PKD1: variants seen among roughly 807,000 people sequenced by gnomAD.
The protein encoded by PKD1 is polycystin-1.
In PKD1, 81 loss-of-function variants were observed where a neutral mutation model predicts 361.7. That is an observed-to-expected ratio of 0.22 (90% confidence interval 0.19 to 0.27). The LOEUF is 0.27. PKD1 is among the 10% of genes least tolerant of loss of function. The pLI is 1.00. For missense variants in PKD1, 6,399 were observed against 6,118.3 expected (o/e 1.05, Z -1.53); for synonymous variants, 3,615 against 2,818.3 (o/e 1.28, Z -8.95).
intron 20 of PKD1, 63 bp from the exon 21 acceptor site, chr16:2,105,537 G>A (rs1419989537): frequency 6.3e-7 from 1 of 1,595,066 alleles, no homozygotes; most frequent in South Asian, 1.1e-5. Context: ...GAGGCCAGCA[G>A]ATGCCCACGA....
At chr16:2,115,701 G>C in intron 9 of PKD1, 76 bp from the exon 10 acceptor site, 2 of 1,399,918 alleles carry the variant, frequency 1.4e-6, no homozygotes, top group Non-Finnish European at 2.0e-6. Context: ...GCCTGCACCA[G>C]CAATCCTGGC....
At chr16:2,095,673 G>A (rs551925852) in intron 34 of PKD1, among the ~76,000 whole-genome samples, 3 of 152,366 alleles carry the variant, frequency 2.0e-5, no homozygotes, top group East Asian at 3.9e-4. Flanking sequence ...AGGACGCAGA[G>A]GGGTCCAGGA....
At position 2,088,716 on chromosome 16, in the gene PKD1, A is replaced by T; in HGVS notation, c.*1011T>A. 7.0e-7 allele frequency: 1 copy of T among 1,431,532 alleles called. No homozygotes were observed. Among genetic ancestry groups the T allele is most frequent in the Non-Finnish European group, 9.4e-7 (1 of 1,062,310 alleles). 88.7% of individuals were successfully genotyped at this position (1,431,532 alleles called of 1,614,324 possible). A position where few individuals can be genotyped will look rare whatever the true frequency, so the allele number is the denominator to read the frequency against. ...AGACATAGAGGCACAGATTGCAGTC[A>T]GACAGCTCTTTTATTGACTTTGTCT... On this transcript the variant is annotated 3_prime_UTR_variant, in exon 46 of 46. Coordinates refer to ENST00000262304, the MANE Select transcript of PKD1 (RefSeq NM_001009944.3).
At chr16:2,092,008 G>A (rs771889701) in intron 40 of PKD1, 39 bp downstream of exon 40, 1 of 1,612,606 alleles carries the variant, frequency 6.2e-7, no homozygotes, top group Non-Finnish European at 8.5e-7. Flanking sequence ...CTACTCCCTT[G>A]TCCTTGGCGT....
chr16:2,100,474 T>C lies in PKD1; in HGVS notation c.9490A>G (p.Ser3164Gly). The part of the protein sequence containing the change: ...LDGDRAFHRN[S>G]LDIFRIATPH... ...GTGGCGATCCGGAAGATGTCCAGGC[T>C]GTTGCGGTGGAAGGCTCTGTCGCCG... Residue 3164 changes from serine to glycine, a missense_variant, in exon 27 of 46, where the codon AGC (serine) becomes GGC (glycine). Transcript: ENST00000262304. This position sits in a 1 kb window ranked among gnomAD's most constrained non-coding sequence, Gnocchi z 4.4. 6.2e-7 allele frequency: 1 copy of C among 1,610,818 alleles called. No individual in the cohort carries two copies. The highest frequency in any genetic ancestry group is 8.5e-7 in the Non-Finnish European group (1 of 1,179,666).
intron 34 of PKD1, chr16:2,096,945 C>A (rs537905564): frequency 1.7e-6 from 1 of 602,230 alleles, no homozygotes; most frequent in Non-Finnish European, 3.0e-6. Flanking sequence ...CTGCTCCCTC[C>A]CTAGAGGGAA....
intron 21 of PKD1, among the ~76,000 whole-genome samples, chr16:2,105,020 AGGGGAGGGAAG>A (rs2092286843): frequency 5.7e-5 from 2 of 35,138 alleles, no homozygotes; most frequent in South Asian, 1.4e-3. Flanking sequence ...GGGAGGGGCT[AGGGGAGGGAAG>A]GGGGAGGGGA....
chr16:2,123,477 C>A (rs866714263), intron 1 of PKD1: 8 of 456,396 alleles, frequency 1.8e-5, no homozygotes, highest in Middle Eastern at 6.5e-4. Context: ...CGCTTGCTCC[C>A]GTACTTTTTC....
Position 2,120,166 on chromosome 16 carries a change from C to A in PKD1, c.216-788G>T, listed in dbSNP as rs566190630. 6.9e-6 allele frequency: 3 copies of A among 437,228 alleles called. No homozygotes were observed. The East Asian group carries it at 1.1e-4, about 16-fold the overall frequency. The allele number at this position is 437,228 out of a possible 1,614,324, so 27.1% of individuals were successfully genotyped here. ...GGTCAAGGCTACAGGGAGCTGAGAT[C>A]GCATCACTGTACTCCAGCCTGGGTG... On this transcript the variant is annotated intron_variant, in intron 1 of 45. Coordinates refer to ENST00000262304, the MANE Select transcript of PKD1 (RefSeq NM_001009944.3).
intron 34 of PKD1, among the ~76,000 whole-genome samples, chr16:2,096,401 G>A (rs551177182): frequency 1.3e-5 from 2 of 152,398 alleles, no homozygotes; most frequent in East Asian, 3.9e-4. Context: ...GTGGGAACAC[G>A]CCGTGGGTGC....
intron 20 of PKD1, 102 bp from the exon 21 acceptor site, chr16:2,105,576 CTG>C: frequency 2.5e-6 from 4 of 1,593,202 alleles, no homozygotes; most frequent in Non-Finnish European, 3.4e-6. Context: ...GTGCTAGACG[CTG>C]TGTGATGCGG....
chr16:2,105,267 A>T, intron 21 of PKD1, 55 bp downstream of exon 21: 2 of 1,578,084 alleles, frequency 1.3e-6, no homozygotes, highest in Non-Finnish European at 1.7e-6. Flanking sequence ...TGGGGGGCTG[A>T]ACCCAGTGCC....
chr16:2,103,820 C>G lies in PKD1; in HGVS notation c.8237G>C (p.Arg2746Pro), dbSNP rs1800569. The part of the protein sequence containing the change: ...PSELGAESPS[R>P]MVASQAYNLT... The stretch of plus-strand genomic sequence containing the variant: ...GTTGTAGGCCTGGGACGCCACCATC[C>G]GAGATGGTGACTCGGCTCCCAGCTC... The change falls in exon 23 of 46, where the codon CGG becomes CCG. Residue 2746 changes from arginine to proline, a missense_variant. By Grantham distance (103) the Arg-to-Pro change is moderately radical. Coordinates refer to ENST00000262304, the MANE Select transcript of PKD1 (RefSeq NM_001009944.3). The G allele has an allele frequency of 1.9e-6, 3 of 1,608,100 alleles. No homozygotes were observed. The highest frequency in any genetic ancestry group is 1.1e-5 in the South Asian group (1 of 90,850).
rs148433208 is a variant in PKD1 at position 2,089,949 on chromosome 16, G to A, written c.12690C>T (p.Asn4230=). The part of the protein sequence containing the change: ...EALLTQFDRL[N]QATEDVYQLE... Reference sequence around the variant, plus strand: ...GCTGGTAGACGTCCTCTGTGGCCTGGTTGAGTCGGTCAAACTGGGTGAGCA... The same window carrying A: ...GCTGGTAGACGTCCTCTGTGGCCTGATTGAGTCGGTCAAACTGGGTGAGCA... The change falls in exon 46 of 46, where the codon AAC becomes AAT. Residue 4230 remains asparagine, a synonymous_variant. Coordinates refer to ENST00000262304, the MANE Select transcript of PKD1 (RefSeq NM_001009944.3). 274 of 1,612,314 alleles carry A rather than the reference G, an allele frequency of 1.7e-4. No homozygotes were observed. The African/African-American group carries it at 3.1e-3, about 18-fold the overall frequency.
Position 2,100,100 on chromosome 16 carries a change from G to C in PKD1, c.9713-29C>G, listed in dbSNP as rs2092029778. On this transcript the variant is annotated intron_variant, in intron 28 of 45. Transcript: ENST00000262304. The surrounding 1 kb of genome is among the most constrained non-coding windows in gnomAD (Gnocchi z 4.4). Reference sequence around the variant, plus strand: ...GAAGGCAGGGAGGGCCGCACTGCAGGAGGCCACGGGGCAGGACCACCCTGC... The same window carrying C: ...GAAGGCAGGGAGGGCCGCACTGCAGCAGGCCACGGGGCAGGACCACCCTGC... 3 of 1,604,672 alleles carry C rather than the reference G, an allele frequency of 1.9e-6. No individual in the cohort carries two copies. In the Admixed American group the frequency reaches 5.1e-5, roughly 27 times the overall value.
In PKD1 at chr16:2,088,881, G is replaced by GCGCACACACACACACA. The variant is rs142285430; in HGVS notation, c.*845_*846insTGTGTGTGTGTGTGCG. ...ACAGCACACTCGCGCGTGCGCGCGCGCACACACACACACACACAGTCACCT... is the reference window on the plus strand; with the variant it reads ...ACAGCACACTCGCGCGTGCGCGCGCGCGCACACACACACACACACACACACACACACACAGTCACCT... On this transcript the variant is annotated 3_prime_UTR_variant, in exon 46 of 46. Transcript: ENST00000262304. 5 of 421,378 alleles carry GCGCACACACACACACA rather than the reference G, an allele frequency of 1.2e-5. No homozygotes were observed. The highest frequency in any genetic ancestry group is 6.7e-5 in the African/African-American group (3 of 44,578). 26.1% of individuals were successfully genotyped at this position (421,378 alleles called of 1,614,324 possible). A position where few individuals can be genotyped will look rare whatever the true frequency, so the allele number is the denominator to read the frequency against.
At chr16:2,112,070 C>T (rs775954105) in intron 14 of PKD1, among the ~76,000 whole-genome samples, 199 bp from the exon 15 acceptor site, 2 of 152,216 alleles carry the variant, frequency 1.3e-5, no homozygotes, top group East Asian at 3.8e-4. Flanking sequence ...AGGACGGCAC[C>T]GCCTCCAAGT....
In PKD1 at chr16:2,118,575, C is replaced by T. The variant is rs1312550184; in HGVS notation, c.529+101G>A. The stretch of plus-strand genomic sequence containing the variant: ...CCATGCTGTTCCCTTGGCCCGGAGG[C>T]CCCCCCCAGAGAGGCCTTCCTGAGC... On this transcript the variant is annotated intron_variant, in intron 4 of 45. Coordinates refer to ENST00000262304, the MANE Select transcript of PKD1 (RefSeq NM_001009944.3). This position sits in a 1 kb window ranked among gnomAD's most constrained non-coding sequence, Gnocchi z 6.0. The T allele has an allele frequency of 2.2e-6, 2 of 890,850 alleles. No individual in the cohort carries two copies. Among genetic ancestry groups the T allele is most frequent in the Non-Finnish European group, 3.6e-6 (2 of 561,396 alleles). 55.2% of individuals were successfully genotyped at this position (890,850 alleles called of 1,614,324 possible). A position where few individuals can be genotyped will look rare whatever the true frequency, so the allele number is the denominator to read the frequency against.
rs1241933590 is a variant in PKD1 at position 2,102,226 on chromosome 16, T to G, written c.9232A>C (p.Met3078Leu). The G allele has an allele frequency of 6.5e-7, 1 of 1,528,976 alleles. No homozygotes were observed. Among genetic ancestry groups the G allele is most frequent in the Admixed American group, 1.7e-5 (1 of 58,738 alleles). 94.7% of individuals were successfully genotyped at this position (1,528,976 alleles called of 1,614,324 possible). A position where few individuals can be genotyped will look rare whatever the true frequency, so the allele number is the denominator to read the frequency against. Residue 3078 changes from methionine (M) to leucine (L), a missense_variant, in exon 26 of 46, where the codon ATG (methionine) becomes CTG (leucine). Transcript: ENST00000262304. The stretch of plus-strand genomic sequence containing the variant: ...ACCAGGCACACAGCACATGTCAGCA[T>G]GACGATGTAGTTTACATCCGCTGTC... ...EPTADVNYIV[M>L]LTCAVCLVTY...
Sources: gnomAD v4.1 joint callset for allele counts (sites outside exome capture counted in the v4.1 genomes callset) on GRCh38, gnomAD v4.1.1 for gene constraint, Gnocchi (gnomAD v3.1) non-coding constraint, MANE v1.5 for transcripts, NCBI Gene and HGNC (gene_info 2026-07-23, HGNC 2026-07-21) for gene names.